LMX1A: variants seen among roughly 807,000 people sequenced by gnomAD.
The protein encoded by LMX1A is LIM homeobox transcription factor 1-alpha.
In LMX1A, 15 loss-of-function variants were observed where a neutral mutation model predicts 49.1. That is an observed-to-expected ratio of 0.31 (90% CI 0.20 to 0.47). The LOEUF (loss-of-function observed/expected upper bound fraction) is 0.47, where lower values mean the gene tolerates loss of function less well. LMX1A is among the 20% of genes least tolerant of loss of function. The pLI is 1.00. For synonymous variants in LMX1A, 167 were observed against 185.7 expected, an observed-to-expected ratio of 0.90 and a Z score of 0.82; for missense variants, 372 against 475.8, an observed-to-expected ratio of 0.78 and a Z score of 2.03.
chr1:165,243,319 A>G (rs1652729352), intron 4 of LMX1A, among the ~76,000 whole-genome samples: 1 of 152,246 alleles, frequency 6.6e-6, no homozygotes, highest in Admixed American at 6.5e-5. Flanking sequence ...TGCAACATGG[A>G]CCAGCCAGAA....
intron 3 of LMX1A, among the ~76,000 whole-genome samples, chr1:165,252,293 C>T (rs1653089299): frequency 6.6e-6 from 1 of 152,200 alleles, no homozygotes. Context: ...AGCATAGGAG[C>T]TGACACATAA....
chr1:165,346,309 T>C (rs776143639), intron 3 of LMX1A, among the ~76,000 whole-genome samples: 1 of 152,152 alleles, frequency 6.6e-6, no homozygotes, highest in Non-Finnish European at 1.5e-5. Flanking sequence ...TATCCAAAAA[T>C]AGGATCCCCA....
chr1:165,277,625 C>G (rs1654009173), intron 3 of LMX1A, among the ~76,000 whole-genome samples: 2 of 152,202 alleles, frequency 1.3e-5, no homozygotes, highest in South Asian at 4.1e-4. Context: ...TCTACCAGCC[C>G]TCTCTGGGCT....
intron 3 of LMX1A, among the ~76,000 whole-genome samples, chr1:165,311,343 C>A (rs1655070569): frequency 6.6e-6 from 1 of 152,206 alleles, no homozygotes; most frequent in Non-Finnish European, 1.5e-5. Context: ...ACATTCCCAG[C>A]TTTATGTGGG....
chr1:165,296,694 C>A (rs1270436885), intron 3 of LMX1A, among the ~76,000 whole-genome samples: 1 of 152,380 alleles, frequency 6.6e-6, no homozygotes, highest in East Asian at 1.9e-4. Flanking sequence ...TGGGCCTCTG[C>A]CCCTTTTCCC....
At chr1:165,340,096 C>T (rs1557889872) in intron 3 of LMX1A, among the ~76,000 whole-genome samples, 1 of 152,024 alleles carries the variant, frequency 6.6e-6, no homozygotes, top group East Asian at 1.9e-4. Flanking sequence ...CCCTCTATGC[C>T]TCTAGCAAAC....
intron 4 of LMX1A, among the ~76,000 whole-genome samples, chr1:165,231,491 C>A (rs1055160987): frequency 1.3e-5 from 2 of 151,988 alleles, no homozygotes; most frequent in African/African-American, 4.8e-5. Flanking sequence ...ATTTTGTTGC[C>A]CAGGCTGGTC....
At chr1:165,231,208 T>C (rs1265312557) in intron 4 of LMX1A, among the ~76,000 whole-genome samples, 2 of 152,126 alleles carry the variant, frequency 1.3e-5, no homozygotes, top group Non-Finnish European at 2.9e-5. Flanking sequence ...GTAGAAAGTA[T>C]AAGAGATTGG....
At chr1:165,217,012 T>C (rs540409732) in intron 4 of LMX1A, among the ~76,000 whole-genome samples, 1 of 152,350 alleles carries the variant, frequency 6.6e-6, no homozygotes, top group Non-Finnish European at 1.5e-5. Context: ...ATAATCATTA[T>C]TATTTCAACA....
intron 3 of LMX1A, among the ~76,000 whole-genome samples, chr1:165,254,027 T>C (rs567583536): frequency 1.3e-5 from 2 of 152,236 alleles, no homozygotes; most frequent in South Asian, 4.1e-4. Flanking sequence ...ATCAATGCTT[T>C]TCCAGGAGCT....
intron 4 of LMX1A, among the ~76,000 whole-genome samples, chr1:165,236,259 G>C (rs1410937354): frequency 6.6e-6 from 1 of 152,152 alleles, no homozygotes; most frequent in African/African-American, 2.4e-5. Flanking sequence ...CTGGGTTAGG[G>C]CCAAGCCCGC....
intron 3 of LMX1A, 24 bp downstream of exon 3, chr1:165,353,052 C>A: frequency 3.1e-6 from 5 of 1,611,108 alleles, no homozygotes; most frequent in Non-Finnish European, 4.2e-6. Flanking sequence ...GCGCGGGGAG[C>A]GCTGCGGGGG....
At chr1:165,342,633 T>C (rs1384834684) in intron 3 of LMX1A, among the ~76,000 whole-genome samples, 2 of 152,036 alleles carry the variant, frequency 1.3e-5, no homozygotes, top group Non-Finnish European at 2.9e-5. Context: ...AGAGCAATGA[T>C]TGTATATGAG....
At chr1:165,301,409 A>G (rs1654770781) in intron 3 of LMX1A, among the ~76,000 whole-genome samples, 2 of 152,124 alleles carry the variant, frequency 1.3e-5, no homozygotes, top group Non-Finnish European at 2.9e-5. Context: ...GTACAATTCT[A>G]TAACACATTA....
At chr1:165,237,548 C>T (rs745901110) in intron 4 of LMX1A, among the ~76,000 whole-genome samples, 3 of 152,086 alleles carry the variant, frequency 2.0e-5, no homozygotes, top group South Asian at 2.1e-4. Flanking sequence ...ACACAATATG[C>T]AAATCCCTGA....
chr1:165,218,224 G>A (rs1651712659), intron 4 of LMX1A, among the ~76,000 whole-genome samples: 1 of 152,212 alleles, frequency 6.6e-6, no homozygotes. Context: ...CTCTGACTCT[G>A]GAGGCAGGAA....
At chr1:165,299,481 A>G (rs1019698016) in intron 3 of LMX1A, among the ~76,000 whole-genome samples, 2 of 152,214 alleles carry the variant, frequency 1.3e-5, no homozygotes, top group African/African-American at 4.8e-5. Context: ...TGCCTGAAAG[A>G]TATCATTATT....
chr1:165,249,536 C>T lies in LMX1A; in HGVS notation c.368G>A (p.Cys123Tyr). 2 of 1,614,182 alleles carry T rather than the reference C, an allele frequency of 1.2e-6. No homozygotes were observed. Among genetic ancestry groups the T allele is most frequent in the South Asian group, 2.2e-5 (2 of 91,082 alleles). Reference sequence around the variant, plus strand: ...CTTCTGAAGCTGTCGCTCGCAGACACAGCAGCAGAAGCAGCTCAGGTGGTA... The same window carrying T: ...CTTCTGAAGCTGTCGCTCGCAGACATAGCAGCAGAAGCAGCTCAGGTGGTA... ...SVYHLSCFCC[C>Y]VCERQLQKGD... The change falls in exon 4 of 9, where the codon TGT (cysteine) becomes TAT (tyrosine). Residue 123 changes from cysteine (C) to tyrosine (Y), a missense_variant. By Grantham distance (194) the Cys-to-Tyr change is radical. Coordinates refer to ENST00000342310, the MANE Select transcript of LMX1A (RefSeq NM_177398.4).
rs188198542 is a variant in LMX1A, at chr1:165,270,308, A to C, written c.264-20668T>G. Among the ~76,000 whole-genome samples the C allele has an allele frequency of 3.8e-3, 584 of 152,242 alleles. 1 individual carries two copies. Among genetic ancestry groups the C allele is most frequent in the Middle Eastern group, 0.02 (6 of 294 alleles). On this transcript the variant is annotated intron_variant, in intron 3 of 8. Transcript: ENST00000342310. ...TCAGCTCAAGACTCATACCCCCCATAAAATCATCTATGCCTGTCCAATTCT... is the reference window on the plus strand; with the variant it reads ...TCAGCTCAAGACTCATACCCCCCATCAAATCATCTATGCCTGTCCAATTCT...
Sources: gnomAD v4.1 joint callset for allele counts (sites outside exome capture counted in the v4.1 genomes callset) on GRCh38, gnomAD v4.1.1 for gene constraint, MANE v1.5 for transcripts, NCBI Gene and HGNC (gene_info 2026-07-23, HGNC 2026-07-21) for gene names.